STK3: variants seen among roughly 807,000 people sequenced by gnomAD.
STK3 encodes serine/threonine kinase 3, also known as serine/threonine-protein kinase 3.
Under a neutral mutation model 58.0 loss-of-function variants are expected in STK3, and 41 were observed. The observed-to-expected ratio is 0.71, with a 90% CI of 0.55 to 0.92. The LOEUF (loss-of-function observed/expected upper bound fraction) is 0.92, where lower values mean the gene tolerates loss of function less well. Among genes scored for constraint, STK3 ranks in the 40% least tolerant of loss-of-function variants. STK3 has a pLI of 0.00. For synonymous variants in STK3, 170 were observed against 191.0 expected, an observed-to-expected ratio of 0.89 and a Z score of 0.91; for missense variants, 479 against 602.7, an observed-to-expected ratio of 0.79 and a Z score of 2.15.
chr8:98,538,100 A>G (rs966095632), intron 9 of STK3, among the ~76,000 whole-genome samples: 4 of 152,196 alleles, frequency 2.6e-5, no homozygotes, highest in African/African-American at 9.6e-5. Context: ...AGAGAATAAA[A>G]TAACAATCAT....
intron 6 of STK3, among the ~76,000 whole-genome samples, chr8:98,631,652 T>C (rs555754953): frequency 2.1e-5 from 3 of 140,372 alleles, no homozygotes; most frequent in Non-Finnish European, 4.8e-5. Flanking sequence ...TGATATGCTA[T>C]AGTTTTCGTT....
At chr8:98,715,618 A>G (rs1348274973) in intron 4 of STK3, among the ~76,000 whole-genome samples, 2 of 152,218 alleles carry the variant, frequency 1.3e-5, no homozygotes, top group Non-Finnish European at 2.9e-5. Flanking sequence ...CAATCATTAA[A>G]AAGTCAGGAA....
At chr8:98,403,405 A>G (rs1481774155) in intron 3 of STK3, among the ~76,000 whole-genome samples, 2 of 152,192 alleles carry the variant, frequency 1.3e-5, no homozygotes, top group Non-Finnish European at 2.9e-5. Flanking sequence ...TGATCCCAGG[A>G]AGCCCCAGCA....
chr8:98,820,969 T>A, intron 1 of STK3, among the ~76,000 whole-genome samples: 1 of 151,734 alleles, frequency 6.6e-6, no homozygotes, highest in South Asian at 2.1e-4. Flanking sequence ...CAGAGCAAGA[T>A]TCCACCTCAA....
intron 3 of STK3, among the ~76,000 whole-genome samples, chr8:98,877,649 A>T (rs1837605634): frequency 6.6e-6 from 1 of 151,966 alleles, no homozygotes; most frequent in Non-Finnish European, 1.5e-5. Flanking sequence ...ACACCCGGCT[A>T]ATTTTGTATT....
chr8:98,764,198 A>G (rs1156854995), intron 3 of STK3, among the ~76,000 whole-genome samples: 1 of 152,248 alleles, frequency 6.6e-6, no homozygotes, highest in Admixed American at 6.5e-5. Context: ...AGTGGTACAA[A>G]AGTTCTAGAA....
intron 7 of STK3, among the ~76,000 whole-genome samples, chr8:98,583,503 T>A (rs1249264934): frequency 1.2e-5 from 1 of 80,456 alleles, no homozygotes; most frequent in Admixed American, 1.7e-4. Flanking sequence ...TGGGGTGGGC[T>A]GGGGTGGGAC....
intron 1 of STK3, among the ~76,000 whole-genome samples, chr8:98,920,668 G>T (rs1316261868): frequency 6.6e-6 from 1 of 152,216 alleles, no homozygotes; most frequent in East Asian, 1.9e-4. Context: ...TGTTACCCAT[G>T]TGCAGTTTGC....
At chr8:98,706,775 T>A in intron 5 of STK3, 141 bp from the exon 6 acceptor site, 2 of 990,858 alleles carry the variant, frequency 2.0e-6, no homozygotes, top group Non-Finnish European at 2.8e-6. Context: ...AAATTTCAAC[T>A]AGTTATGACA....
chr8:98,709,224 A>G (rs998559100), intron 4 of STK3, among the ~76,000 whole-genome samples: 32 of 152,208 alleles, frequency 2.1e-4, no homozygotes, highest in African/African-American at 7.5e-4. Flanking sequence ...GAGGACAACA[A>G]TAGAGAGCTA....
chr8:98,941,149 C>T (rs999185407), intron 1 of STK3, among the ~76,000 whole-genome samples: 1 of 152,214 alleles, frequency 6.6e-6, no homozygotes, highest in Non-Finnish European at 1.5e-5. Context: ...TTCCCGCCGG[C>T]TGCGGACTGC....
At chr8:98,347,523 A>G in the STK3 span, among the ~76,000 whole-genome samples, 1 of 142,148 alleles carries the variant, frequency 7.0e-6, no homozygotes, top group African/African-American at 2.6e-5. Flanking sequence ...TCAAAAAAAA[A>G]CAAAAAAAAC....
chr8:98,900,237 C>T (rs1033528590), intron 1 of STK3, among the ~76,000 whole-genome samples: 7 of 151,914 alleles, frequency 4.6e-5, no homozygotes, highest in Non-Finnish European at 8.8e-5. Flanking sequence ...CCACTACACC[C>T]GGCTAATTTT....
intron 1 of STK3, among the ~76,000 whole-genome samples, chr8:98,792,574 C>G (rs1209500814): frequency 6.6e-6 from 1 of 152,164 alleles, no homozygotes; most frequent in African/African-American, 2.4e-5. Flanking sequence ...GTGGCGCATG[C>G]CTGTAATCCC....
rs1263794352 is a variant in STK3, at chr8:98,707,186, A to G, written c.477T>C (p.His159=). ...AGNILLNTEG[H]AKLADFGVAG... is the part of the protein sequence containing the mutation. Reference sequence around the variant, plus strand: ...CCACTCCAAAATCTGCCAATTTTGCATGTCCTTCTGTATTGAGGAGAATAT... The same window carrying G: ...CCACTCCAAAATCTGCCAATTTTGCGTGTCCTTCTGTATTGAGGAGAATAT... Residue 159 remains histidine (H), a synonymous_variant, in exon 5 of 11, where the codon CAT becomes CAC. Coordinates refer to ENST00000419617, the MANE Select transcript of STK3 (RefSeq NM_006281.4). The G allele has an allele frequency of 6.2e-7, 1 of 1,609,068 alleles. No individual in the cohort carries two copies. The highest frequency in any genetic ancestry group is 2.2e-5 in the East Asian group (1 of 44,776).
intron 9 of STK3, among the ~76,000 whole-genome samples, chr8:98,541,444 C>T (rs1031230021): frequency 6.6e-6 from 1 of 152,164 alleles, no homozygotes; most frequent in Non-Finnish European, 1.5e-5. Context: ...TGCAGGTTTC[C>T]TGAGGCCTCC....
intron 4 of STK3, among the ~76,000 whole-genome samples, chr8:98,738,220 C>T (rs1056369290): frequency 6.6e-6 from 1 of 152,148 alleles, no homozygotes; most frequent in African/African-American, 2.4e-5. Flanking sequence ...GCTCATGCCT[C>T]TAATCTCAAC....
intron 9 of STK3, among the ~76,000 whole-genome samples, chr8:98,541,290 T>TTA (rs1810249090): frequency 1.3e-5 from 2 of 152,118 alleles, no homozygotes; most frequent in African/African-American, 4.8e-5. Flanking sequence ...TTCTAACGGT[T>TTA]TAGCACCATC....
intron 6 of STK3, among the ~76,000 whole-genome samples, chr8:98,643,025 C>A (rs959192754): frequency 6.6e-6 from 1 of 152,062 alleles, no homozygotes; most frequent in Non-Finnish European, 1.5e-5. Flanking sequence ...GAGTTTGGGA[C>A]CAGCTTGAGC....
Sources: allele counts gnomAD v4.1 joint callset (sites outside exome capture counted in the v4.1 genomes callset), GRCh38; gene constraint gnomAD v4.1.1; transcripts MANE v1.5; gene names NCBI Gene and HGNC (gene_info 2026-07-23, HGNC 2026-07-21).